LDB2: variants seen among roughly 807,000 people sequenced by gnomAD.
LDB2 encodes the protein LIM domain-binding protein 2.
In LDB2, 12 loss-of-function variants were observed where a neutral mutation model predicts 44.3. The ratio of observed to expected loss-of-function variants is 0.27; its 90% CI spans 0.17 to 0.44. The LOEUF is 0.44. Ranked by LOEUF, LDB2 falls within the 20% of genes least tolerant of loss-of-function variation. The pLI is 1.00. For missense variants in LDB2, 344 were observed against 473.5 expected (o/e 0.73, Z 2.54); for synonymous variants, 164 against 174.8 (o/e 0.94, Z 0.49).
At chr4:16,824,171 C>T (rs1782611232) in intron 1 of LDB2, among the ~76,000 whole-genome samples, 1 of 152,082 alleles carries the variant, frequency 6.6e-6, no homozygotes, top group South Asian at 2.1e-4. Flanking sequence ...GGTTTTTAGA[C>T]ACAAATGAAA....
chr4:16,681,618 C>CTTTTTTTTTTTTTTTT (rs536589787), intron 2 of LDB2, among the ~76,000 whole-genome samples: 1 of 61,670 alleles, frequency 1.6e-5, no homozygotes, highest in Non-Finnish European at 2.8e-5. Context: ...GTATTCTATT[C>CTTTTTTTTTTTTTTTT]TTTTTTTTTT....
chr4:16,887,450 A>G (rs921066035), intron 1 of LDB2, among the ~76,000 whole-genome samples: 1 of 152,178 alleles, frequency 6.6e-6, no homozygotes, highest in Non-Finnish European at 1.5e-5. Flanking sequence ...GGTAATATGC[A>G]CTGACTGTTT....
chr4:16,795,081 T>C (rs541572204), intron 1 of LDB2, among the ~76,000 whole-genome samples: 12 of 152,216 alleles, frequency 7.9e-5, no homozygotes, highest in African/African-American at 2.9e-4. Flanking sequence ...AAATAGGATC[T>C]CGATGGAGAG....
At chr4:16,505,104 G>A (rs745571037) in intron 7 of LDB2, among the ~76,000 whole-genome samples, 4 of 152,166 alleles carry the variant, frequency 2.6e-5, no homozygotes, top group Non-Finnish European at 5.9e-5. Flanking sequence ...CACTCCAAAT[G>A]CATTCATTGA....
chr4:16,690,453 A>G (rs1347373931), intron 2 of LDB2, among the ~76,000 whole-genome samples: 1 of 104,398 alleles, frequency 9.6e-6, no homozygotes, highest in East Asian at 3.4e-4. Flanking sequence ...CCGGAGGAAG[A>G]CCCTGCAGGA....
chr4:16,538,186 A>G (rs1030251297), intron 5 of LDB2, among the ~76,000 whole-genome samples: 7 of 152,114 alleles, frequency 4.6e-5, no homozygotes, highest in African/African-American at 1.7e-4. Context: ...CAAAAGTGTA[A>G]TCACTCTCCA....
chr4:16,545,275 A>T (rs942981152), intron 5 of LDB2, among the ~76,000 whole-genome samples: 6 of 150,096 alleles, frequency 4.0e-5, no homozygotes, highest in Non-Finnish European at 7.4e-5. Context: ...ATCCTGCAGG[A>T]TAGATATTTC....
chr4:16,654,036 A>G (rs1269403912), intron 2 of LDB2, among the ~76,000 whole-genome samples: 1 of 152,212 alleles, frequency 6.6e-6, no homozygotes, highest in Non-Finnish European at 1.5e-5. Flanking sequence ...AAAGGTGTTC[A>G]TGATTCCAAA....
rs372190157 is a variant in LDB2, at chr4:16,759,497, C to T, written c.133-237G>A. 171 of 457,494 alleles carry T rather than the reference C, an allele frequency of 3.7e-4. 1 individual carries two copies. In the East Asian group the frequency reaches 4.6e-3, roughly 12 times the overall value. 28.3% of individuals were successfully genotyped at this position (457,494 alleles called of 1,614,324 possible). ...ACCAATCGAATAAAAATTAATTCTC[C>T]AGGATATATTTGGGGAGATTTAATA... On this transcript the variant is annotated intron_variant, in intron 1 of 7. Transcript: ENST00000304523.
intron 1 of LDB2, among the ~76,000 whole-genome samples, chr4:16,867,652 C>T (rs889165817): frequency 5.3e-5 from 8 of 152,106 alleles, no homozygotes; most frequent in Non-Finnish European, 1.0e-4. Context: ...AAAGAGGGCT[C>T]TTTAAAATGT....
intron 2 of LDB2, among the ~76,000 whole-genome samples, chr4:16,684,640 A>G (rs559710327): frequency 6.6e-6 from 1 of 152,342 alleles, no homozygotes; most frequent in Admixed American, 6.5e-5. Context: ...TAAGATGAAG[A>G]AAAGTCTAGA....
chr4:16,854,473 T>C (rs1269179988), intron 1 of LDB2, among the ~76,000 whole-genome samples: 2 of 147,326 alleles, frequency 1.4e-5, no homozygotes, highest in African/African-American at 5.0e-5. Context: ...CTTCCAGATA[T>C]TTTTTATTTT....
chr4:16,580,791 C>G (rs982078451), intron 5 of LDB2, among the ~76,000 whole-genome samples: 1 of 152,152 alleles, frequency 6.6e-6, no homozygotes, highest in African/African-American at 2.4e-5. Context: ...CAATGCCAGC[C>G]TGGAAGTTTG....
chr4:16,542,431 C>T (rs1274301439), intron 5 of LDB2, among the ~76,000 whole-genome samples: 1 of 152,190 alleles, frequency 6.6e-6, no homozygotes, highest in Non-Finnish European at 1.5e-5. Flanking sequence ...GACATGCAAT[C>T]AGGACCCAAT....
At chr4:16,630,671 G>C (rs1402907139) in intron 2 of LDB2, among the ~76,000 whole-genome samples, 1 of 152,000 alleles carries the variant, frequency 6.6e-6, no homozygotes, top group Non-Finnish European at 1.5e-5. Flanking sequence ...GAGACCCATC[G>C]GTGTGCTGTA....
intron 5 of LDB2, among the ~76,000 whole-genome samples, chr4:16,541,377 C>T (rs947996127): frequency 4.6e-5 from 7 of 152,124 alleles, no homozygotes; most frequent in South Asian, 2.1e-4. Flanking sequence ...CCTTTTGCCA[C>T]GAGTAAGAGC....
chr4:16,844,237 C>A (rs994760870), intron 1 of LDB2, among the ~76,000 whole-genome samples: 3 of 121,604 alleles, frequency 2.5e-5, no homozygotes, highest in Non-Finnish European at 4.9e-5. Context: ...GACAGAGACA[C>A]ACCCTGTCTC....
intron 2 of LDB2, among the ~76,000 whole-genome samples, chr4:16,648,459 T>C (rs940521997): frequency 2.6e-5 from 4 of 152,218 alleles, no homozygotes; most frequent in African/African-American, 9.6e-5. Context: ...ACCTGTCTCA[T>C]TTTCTCAACT....
At chr4:16,710,902 C>G (rs546562540) in intron 2 of LDB2, among the ~76,000 whole-genome samples, 3 of 152,104 alleles carry the variant, frequency 2.0e-5, no homozygotes, top group Admixed American at 1.3e-4. Flanking sequence ...GCTAAAGTAC[C>G]GAAAGGCAAT....
Sources: gnomAD v4.1 joint callset for allele counts (sites outside exome capture counted in the v4.1 genomes callset) on GRCh38, gnomAD v4.1.1 for gene constraint, MANE v1.5 for transcripts, NCBI Gene and HGNC (gene_info 2026-07-23, HGNC 2026-07-21) for gene names.